The following DPP10 variants were observed in gnomAD, a reference collection of about 807,000 sequenced individuals.
The protein encoded by DPP10 is dipeptidyl peptidase like 10.
A neutral mutation model predicts 120.9 loss-of-function variants in DPP10; 33 were observed. The ratio of observed to expected loss-of-function variants is 0.27; its 90% confidence interval spans 0.21 to 0.37. The LOEUF is 0.37. Among genes scored for constraint, DPP10 ranks in the 10% least tolerant of loss-of-function variants. The pLI, the probability that DPP10 is intolerant of heterozygous loss-of-function variation, is 1.00. For missense variants in DPP10, 816 were observed against 942.8 expected (o/e 0.87, Z 1.76); for synonymous variants, 337 against 326.1 (o/e 1.03, Z -0.36).
At chr2:114,681,907 T>G (rs1699053125) in intron 1 of DPP10, among the ~76,000 whole-genome samples, 1 of 152,016 alleles carries the variant, frequency 6.6e-6, no homozygotes, top group South Asian at 2.1e-4. Flanking sequence ...GGTGCTACAA[T>G]GCTTAGGAAA....
At chr2:115,656,264 A>G (rs1034525127) in intron 5 of DPP10, among the ~76,000 whole-genome samples, 1 of 151,592 alleles carries the variant, frequency 6.6e-6, no homozygotes, top group Non-Finnish European at 1.5e-5. Flanking sequence ...GTTCATGTGT[A>G]TCAATTATAT....
chr2:115,159,365 G>A (rs113764674), intron 1 of DPP10, among the ~76,000 whole-genome samples: 6,497 of 152,230 alleles, frequency 0.043, 198 homozygotes, highest in Middle Eastern at 0.068. Flanking sequence ...GGCTGAGGCA[G>A]GAGAATGTTT....
intron 3 of DPP10, among the ~76,000 whole-genome samples, chr2:115,421,070 T>C (rs1000092533): frequency 4.6e-5 from 7 of 152,028 alleles, no homozygotes; most frequent in East Asian, 1.9e-4. Flanking sequence ...TTCTACCCTG[T>C]AGTGTAGTGG....
chr2:115,521,730 T>C (rs577565894), intron 4 of DPP10, among the ~76,000 whole-genome samples: 18 of 152,228 alleles, frequency 1.2e-4, no homozygotes, highest in African/African-American at 4.3e-4. Flanking sequence ...TTACCATCTC[T>C]CATGAACTCG....
chr2:114,986,369 TAAAG>T (rs757659955), intron 1 of DPP10, among the ~76,000 whole-genome samples: 26 of 152,312 alleles, frequency 1.7e-4, no homozygotes, highest in Non-Finnish European at 2.8e-4. Flanking sequence ...CAAAAAAACT[TAAAG>T]AAAGCTTAGC....
At chr2:115,189,440 G>A (rs780939607) in intron 1 of DPP10, among the ~76,000 whole-genome samples, 8 of 152,112 alleles carry the variant, frequency 5.3e-5, no homozygotes, top group African/African-American at 9.7e-5. Flanking sequence ...TGGAACTGAC[G>A]GGAAAGTTAT....
chr2:115,731,899 A>G (rs2092920139), intron 8 of DPP10, among the ~76,000 whole-genome samples: 1 of 152,084 alleles, frequency 6.6e-6, no homozygotes, highest in Non-Finnish European at 1.5e-5. Flanking sequence ...TTCCCTCACT[A>G]TTTTGACTGC....
At chr2:115,077,871 G>T (rs1707931324) in intron 1 of DPP10, among the ~76,000 whole-genome samples, 1 of 152,182 alleles carries the variant, frequency 6.6e-6, no homozygotes, top group South Asian at 2.1e-4. Flanking sequence ...ACTGGCAGAG[G>T]TTTAATGTTC....
chr2:114,638,491 A>G (rs193258100), intron 1 of DPP10, among the ~76,000 whole-genome samples: 1 of 152,042 alleles, frequency 6.6e-6, no homozygotes, highest in Admixed American at 6.5e-5. Flanking sequence ...TCTCTAAAGA[A>G]GACATATAAG....
rs70941027 is a variant in DPP10 at position 115,088,750 on chromosome 2, C to CAAAAAAAAAAAAAAA, written c.61-220484_61-220470dup. On this transcript the variant is annotated intron_variant, in intron 1 of 25. Coordinates refer to ENST00000410059, the MANE Select transcript of DPP10 (RefSeq NM_020868.6). Reference sequence around the variant, plus strand: ...TACAGCTGTGAGCCACTGTGCCTGACAAAAAAAAAAAAAAAAAAACCAAAA... The same window carrying CAAAAAAAAAAAAAAA: ...TACAGCTGTGAGCCACTGTGCCTGACAAAAAAAAAAAAAAAAAAAAAAAAAAAAAAAAAACCAAAA... Among the ~76,000 whole-genome samples, 26 of 65,032 alleles carry CAAAAAAAAAAAAAAA rather than the reference C, an allele frequency of 4.0e-4. 3 individuals are homozygous for CAAAAAAAAAAAAAAA. The highest frequency in any genetic ancestry group is 5.1e-4 in the Non-Finnish European group (18 of 35,610). 42.7% of individuals were successfully genotyped at this position (65,032 alleles called of 152,430 possible). A position where few individuals can be genotyped will look rare whatever the true frequency, so the allele number is the denominator to read the frequency against.
intron 1 of DPP10, among the ~76,000 whole-genome samples, chr2:114,524,428 G>T (rs760444625): frequency 8.5e-5 from 13 of 152,184 alleles, no homozygotes; most frequent in Admixed American, 8.5e-4. Context: ...TGATGTTTGA[G>T]CCTAAGCATT....
At chr2:115,676,869 G>A (rs1172437363) in intron 5 of DPP10, among the ~76,000 whole-genome samples, 2 of 152,136 alleles carry the variant, frequency 1.3e-5, no homozygotes, top group East Asian at 1.9e-4. Flanking sequence ...ACCCAAAAAT[G>A]TCCTCTCTGA....
chr2:114,855,897 T>C (rs1481407040), intron 1 of DPP10, among the ~76,000 whole-genome samples: 5 of 151,852 alleles, frequency 3.3e-5, no homozygotes, highest in Admixed American at 6.6e-5. Context: ...TGAGTATTTG[T>C]GTTGCAAGGA....
At chr2:114,941,262 G>A (rs1239601838) in intron 1 of DPP10, among the ~76,000 whole-genome samples, 2 of 152,126 alleles carry the variant, frequency 1.3e-5, no homozygotes, top group Non-Finnish European at 2.9e-5. Flanking sequence ...TACCAATCTT[G>A]TTGTCAAATG....
intron 1 of DPP10, among the ~76,000 whole-genome samples, chr2:115,048,504 C>A (rs1005017642): frequency 2.0e-5 from 3 of 152,026 alleles, no homozygotes; most frequent in African/African-American, 7.2e-5. Flanking sequence ...TAGACATAAG[C>A]TAATTTCCTG....
chr2:115,470,091 A>G (rs1468298164), intron 3 of DPP10, among the ~76,000 whole-genome samples: 5 of 152,138 alleles, frequency 3.3e-5, no homozygotes, highest in South Asian at 4.1e-4. Flanking sequence ...TTTTCAAAAT[A>G]TGAATTTGGT....
chr2:115,005,693 G>C (rs1333189264), intron 1 of DPP10, among the ~76,000 whole-genome samples: 3 of 152,018 alleles, frequency 2.0e-5, no homozygotes, highest in Non-Finnish European at 4.4e-5. Context: ...AATGAGCAAA[G>C]CCTCCAAGAA....
chr2:114,771,930 A>G (rs1462992230), intron 1 of DPP10, among the ~76,000 whole-genome samples: 2 of 152,250 alleles, frequency 1.3e-5, no homozygotes, highest in African/African-American at 4.8e-5. Flanking sequence ...CTCTCAGGCC[A>G]GTATGGTACG....
intron 7 of DPP10, among the ~76,000 whole-genome samples, chr2:115,714,819 G>A (rs1214869505): frequency 6.6e-6 from 1 of 152,158 alleles, no homozygotes; most frequent in African/African-American, 2.4e-5. Flanking sequence ...CACGAGGTCA[G>A]GAGTTCAAGA....
Sources: allele counts gnomAD v4.1 joint callset (sites outside exome capture counted in the v4.1 genomes callset), GRCh38; gene constraint gnomAD v4.1.1; transcripts MANE v1.5; gene names NCBI Gene and HGNC (gene_info 2026-07-23, HGNC 2026-07-21).